Variants in HOATZ observed in about 807,000 individuals in gnomAD.
HOATZ encodes HOATZ cilia and flagella associated protein, also known as cilia- and flagella-associated protein HOATZ.
HOATZ carries 26 observed loss-of-function variants against 24.9 expected under a neutral mutation model. That is an observed-to-expected ratio of 1.04 (90% confidence interval 0.76 to 1.45). HOATZ has a LOEUF of 1.45. HOATZ is among the 40% of genes most tolerant of loss of function. The pLI, the probability that HOATZ is intolerant of heterozygous loss-of-function variation, is 0.00. For synonymous variants in HOATZ, 83 were observed against 76.6 expected, an observed-to-expected ratio of 1.08 and a Z score of -0.43; for missense variants, 226 against 201.5, an observed-to-expected ratio of 1.12 and a Z score of -0.74.
intron 3 of HOATZ, among the ~76,000 whole-genome samples, chr11:111,525,962 C>T (rs1419550817): frequency 1.3e-5 from 2 of 152,140 alleles, no homozygotes; most frequent in Non-Finnish European, 2.9e-5. Flanking sequence ...GAAAGAATTA[C>T]AGTGATGTTA....
intron 4 of HOATZ, 71 bp from the exon 5 acceptor site, chr11:111,534,340 CA>C (rs140132406): frequency 0.027 from 30,249 of 1,107,150 alleles, 548 homozygotes; most frequent in Middle Eastern, 0.079. Flanking sequence ...AGCTTTTTTT[CA>C]AATGAGTAAA....
intron 3 of HOATZ, among the ~76,000 whole-genome samples, chr11:111,522,340 A>G (rs1867279097): frequency 6.6e-6 from 1 of 152,220 alleles, no homozygotes; most frequent in Non-Finnish European, 1.5e-5. Flanking sequence ...AAATTAGTAA[A>G]CACTTTATAA....
intron 3 of HOATZ, among the ~76,000 whole-genome samples, chr11:111,533,032 C>T (rs1350979670): frequency 1.3e-5 from 2 of 152,152 alleles, no homozygotes; most frequent in African/African-American, 4.8e-5. Flanking sequence ...ATCTTCATGC[C>T]TGCACTAAGT....
At chr11:111,532,653 G>A (rs978528562) in intron 3 of HOATZ, among the ~76,000 whole-genome samples, 3 of 152,162 alleles carry the variant, frequency 2.0e-5, no homozygotes, top group East Asian at 1.9e-4. Flanking sequence ...CTAGTTTCCC[G>A]AACTGTGAGA....
chr11:111,522,161 G>A (rs1157450692), intron 3 of HOATZ, among the ~76,000 whole-genome samples: 3 of 152,072 alleles, frequency 2.0e-5, no homozygotes, highest in Non-Finnish European at 2.9e-5. Flanking sequence ...CACTTTAAAC[G>A]CTGAGATAAT....
At position 111,525,029 on chromosome 11, in the gene HOATZ, C is replaced by T. The variant is rs148012676; in HGVS notation, c.340-8717C>T. 3.6e-4 allele frequency: 119 copies of T among 331,014 alleles called. 1 individual carries two copies. In the East Asian group the frequency reaches 9.8e-3, roughly 27 times the overall value. The allele number at this position is 331,014 out of a possible 1,614,324, so 20.5% of individuals were successfully genotyped here. On this transcript the variant is annotated intron_variant, in intron 3 of 5. Coordinates refer to ENST00000375618, the MANE Select transcript of HOATZ (RefSeq NM_001100388.2). ...GACTACAGGTGCACACCATCACATC[C>T]AGCTACATTTTTTGTATTTTTTGTA...
chr11:111,516,098 G>A lies in HOATZ; in HGVS notation c.327G>A (p.Lys109=). 2 of 1,590,862 alleles carry A rather than the reference G, an allele frequency of 1.3e-6. No individual in the cohort carries two copies. The highest frequency in any genetic ancestry group is 1.7e-6 in the Non-Finnish European group (2 of 1,165,032). Reference sequence around the variant, plus strand: ...TACAGGAATCTGAGGAGAAAGTAAAGTATCTCCAAAAGGTAGGCCAATATT... The same window carrying A: ...TACAGGAATCTGAGGAGAAAGTAAAATATCTCCAAAAGGTAGGCCAATATT... ...LKIQESEEKV[K]YLQKAKTREE... Residue 109 remains lysine, a synonymous_variant, in exon 3 of 6, where the codon AAG becomes AAA. Coordinates refer to ENST00000375618, the MANE Select transcript of HOATZ (RefSeq NM_001100388.2).
chr11:111,518,156 T>C (rs1867229025), intron 3 of HOATZ, among the ~76,000 whole-genome samples: 1 of 152,220 alleles, frequency 6.6e-6, no homozygotes, highest in Admixed American at 6.5e-5. Context: ...AGTTGTTCAT[T>C]AAGCCTAGTG....
chr11:111,529,116 G>A (rs1290056199), intron 3 of HOATZ, among the ~76,000 whole-genome samples: 1 of 152,148 alleles, frequency 6.6e-6, no homozygotes, highest in African/African-American at 2.4e-5. Flanking sequence ...CTCAGTGAAA[G>A]TTTGTTTTTA....
At chr11:111,518,470 G>T (rs1164898900) in intron 3 of HOATZ, among the ~76,000 whole-genome samples, 1 of 152,094 alleles carries the variant, frequency 6.6e-6, no homozygotes, top group Non-Finnish European at 1.5e-5. Flanking sequence ...CTAAGCAATT[G>T]ACATACATCA....
chr11:111,514,833 G>C lies in HOATZ; in HGVS notation c.49G>C (p.Glu17Gln), dbSNP rs370586287. The change falls in exon 1 of 6, where the codon GAA becomes CAA. Residue 17 changes from glutamate to glutamine, a missense_variant. Coordinates refer to ENST00000375618, the MANE Select transcript of HOATZ (RefSeq NM_001100388.2). ...ACCTAGCGGCCGAAAAGAGTCCCAG[G>C]AAATGTGCCCCCCGGGATTACTGGT... ...EEPSGRKESQ[E>Q]MCPPGLLVFA... is the part of the protein sequence containing the mutation. 3.1e-6 allele frequency: 5 copies of C among 1,614,144 alleles called. No homozygotes were observed. The highest frequency in any genetic ancestry group is 1.3e-5 in the African/African-American group (1 of 75,026).
At position 111,536,945 on chromosome 11, in the gene HOATZ, T is replaced by C; in HGVS notation, c.*118T>C. Reference sequence around the variant, plus strand: ...ATTATAGTAGACAAAGAAATACAAGTTAAATACGCAGACTTCCAGGAATTT... The same window carrying C: ...ATTATAGTAGACAAAGAAATACAAGCTAAATACGCAGACTTCCAGGAATTT... On this transcript the variant is annotated 3_prime_UTR_variant, in exon 6 of 6. Coordinates refer to ENST00000375618, the MANE Select transcript of HOATZ (RefSeq NM_001100388.2). 1.3e-6 allele frequency: 1 copy of C among 767,248 alleles called. No homozygotes were observed. Among genetic ancestry groups the C allele is most frequent in the South Asian group, 1.7e-5 (1 of 60,210 alleles). 47.5% of individuals were successfully genotyped at this position (767,248 alleles called of 1,614,324 possible). A position where few individuals can be genotyped will look rare whatever the true frequency, so the allele number is the denominator to read the frequency against.
rs1365587699 is a variant in HOATZ at position 111,523,084 on chromosome 11, A to AC, written c.339+6974_339+6975insC. On this transcript the variant is annotated intron_variant, in intron 3 of 5. Coordinates refer to ENST00000375618, the MANE Select transcript of HOATZ (RefSeq NM_001100388.2). The stretch of plus-strand genomic sequence containing the variant: ...ACAAGAGCGAGACTGTCTCAAAAAA[A>AC]AATTGAGTTGTTCAACACACACGTT... Among the ~76,000 whole-genome samples the AC allele has an allele frequency of 6.6e-5, 10 of 152,340 alleles. No individual in the cohort carries two copies. In the South Asian group the frequency reaches 2.1e-3, roughly 32 times the overall value.
At chr11:111,517,397 T>C (rs1188829342) in intron 3 of HOATZ, among the ~76,000 whole-genome samples, 1 of 152,234 alleles carries the variant, frequency 6.6e-6, no homozygotes, top group African/African-American at 2.4e-5. Flanking sequence ...TATAAATTTC[T>C]ATCAGCTTTT....
intron 1 of HOATZ, 169 bp downstream of exon 1, chr11:111,515,179 G>A (rs1867169334): frequency 1.6e-6 from 1 of 615,088 alleles, no homozygotes; most frequent in Non-Finnish European, 2.9e-6. Flanking sequence ...CCTTCCACCC[G>A]AAAAGGATCA....
chr11:111,534,440 C>A lies in HOATZ; in HGVS notation c.428C>A (p.Pro143Gln). The change falls in exon 5 of 6, where the codon CCA becomes CAA. Residue 143 changes from proline (P) to glutamine (Q), a missense_variant. By Grantham distance (76) the Pro-to-Gln change is moderately conservative. Transcript: ENST00000375618. ...GAACTGATTTCCCTTCCGTATAAAC[C>A]AAAAGCCAAAGAACACAAAGCAAAG... ...SKELISLPYK[P>Q]KAKEHKAKKV... The A allele has an allele frequency of 1.9e-6, 3 of 1,611,130 alleles. No homozygotes were observed. The highest frequency in any genetic ancestry group is 2.5e-6 in the Non-Finnish European group (3 of 1,177,638).
intron 2 of HOATZ, 31 bp downstream of exon 2, chr11:111,515,583 T>C (rs1867183054): frequency 1.3e-6 from 2 of 1,572,882 alleles, no homozygotes; most frequent in Non-Finnish European, 1.8e-6. Flanking sequence ...CTTTCAACAT[T>C]CTGACTCCTA....
At chr11:111,535,233 C>A (rs1867438211) in intron 5 of HOATZ, 1 of 152,006 alleles carries the variant, frequency 6.6e-6, no homozygotes, top group Non-Finnish European at 1.5e-5. Flanking sequence ...ATTTTGTAAA[C>A]TTCTGGAAAA....
At chr11:111,534,761 C>T (rs1268114063) in intron 5 of HOATZ, 5 of 304,604 alleles carry the variant, frequency 1.6e-5, no homozygotes, top group Non-Finnish European at 3.0e-5. Context: ...TATAATCACC[C>T]ATCATCATGC....
Sources: gnomAD v4.1 joint callset for allele counts (sites outside exome capture counted in the v4.1 genomes callset) on GRCh38, gnomAD v4.1.1 for gene constraint, MANE v1.5 for transcripts, NCBI Gene and HGNC (gene_info 2026-07-23, HGNC 2026-07-21) for gene names.